Variants in IFT172 observed in about 807,000 individuals in gnomAD.
IFT172 encodes the protein intraflagellar transport 172, also known as intraflagellar transport protein 172 homolog.
In IFT172, 164 loss-of-function variants were observed where a neutral mutation model predicts 248.9. The observed-to-expected ratio is 0.66, with a 90% confidence interval of 0.58 to 0.75. IFT172 has a LOEUF of 0.75. Ranked by LOEUF, IFT172 falls within the 30% of genes least tolerant of loss-of-function variation. The probability of loss-of-function intolerance (pLI) is 0.00; values close to 1 mark genes in which losing one functional copy is unlikely to be tolerated. For missense variants in IFT172, 1,950 were observed against 2,192.4 expected (o/e 0.89, Z 2.21); for synonymous variants, 729 against 791.6 (o/e 0.92, Z 1.33).
At position 27,459,472 on chromosome 2, in the gene IFT172, T is replaced by C. The variant is rs777438968; in HGVS notation, c.2693A>G (p.Lys898Arg). ...EAALGARQWK[K>R]AIYILDLQDR... ...CTGTAGATCTAATATATAAATTGCC[T>C]TCTTCCACTGGCGGGCACCCAGGGC... Residue 898 changes from lysine to arginine, a missense_variant, in exon 25 of 48, where the codon AAG (lysine) becomes AGG (arginine). Coordinates refer to ENST00000260570, the MANE Select transcript of IFT172 (RefSeq NM_015662.3). 1.7e-5 allele frequency: 28 copies of C among 1,614,230 alleles called. No homozygotes were observed. Among genetic ancestry groups the C allele is most frequent in the Non-Finnish European group, 2.3e-5 (27 of 1,180,038 alleles).
In IFT172 at chr2:27,446,680, ATTTTTTTTTTT is replaced by A. The variant is rs766069964; in HGVS notation, c.4660-336_4660-326del. Among the ~76,000 whole-genome samples the A allele has an allele frequency of 2.4e-4, 19 of 80,468 alleles. No homozygotes were observed. In the South Asian group the frequency reaches 2.7e-3, roughly 12 times the overall value. The allele number at this position is 80,468 out of a possible 152,430, so 52.8% of individuals were successfully genotyped here. A position where few individuals can be genotyped will look rare whatever the true frequency, so the allele number is the denominator to read the frequency against. On this transcript the variant is annotated intron_variant, in intron 42 of 47. Coordinates refer to ENST00000260570, the MANE Select transcript of IFT172 (RefSeq NM_015662.3). The stretch of plus-strand genomic sequence containing the variant: ...AAGCGCACATTACCATGCCTGGCTA[ATTTTTTTTTTT>A]TTTTTTTTTTTTTTTTTTTGAGACG...
chr2:27,471,377 G>A (rs2148529313), intron 15 of IFT172: 2 of 302,466 alleles, frequency 6.6e-6, no homozygotes, highest in East Asian at 1.3e-4. Context: ...TTACCAGCTT[G>A]GATTACAAAT....
chr2:27,454,207 G>C lies in IFT172; in HGVS notation c.3531-45C>G. The C allele has an allele frequency of 6.2e-7, 1 of 1,602,908 alleles. No individual in the cohort carries two copies. Among genetic ancestry groups the C allele is most frequent in the African/African-American group, 1.3e-5 (1 of 74,758 alleles). On this transcript the variant is annotated intron_variant, in intron 32 of 47. Transcript: ENST00000260570. The surrounding 1 kb of genome is among the most constrained non-coding windows in gnomAD (Gnocchi z 4.2). The stretch of plus-strand genomic sequence containing the variant: ...GAGGAGAGACTGAGTATAGGACTGA[G>C]GCCCCAATAGTGGGAGACAAACAGC...
chr2:27,453,059 T>C (rs1050352754), intron 35 of IFT172: 2 of 390,668 alleles, frequency 5.1e-6, no homozygotes, highest in African/African-American at 2.1e-5. Context: ...AGAGCCTTCC[T>C]GACCCCTCTA....
intron 11 of IFT172, 41 bp downstream of exon 11, chr2:27,477,954 G>C: frequency 6.2e-7 from 1 of 1,610,578 alleles, no homozygotes; most frequent in Non-Finnish European, 8.5e-7. Flanking sequence ...ATTAAGCCAA[G>C]ATGCCCTATT....
At chr2:27,471,326 G>C in intron 15 of IFT172, 1 of 398,896 alleles carries the variant, frequency 2.5e-6, no homozygotes, top group East Asian at 4.3e-5. Flanking sequence ...TAAGTTAGGT[G>C]AAGGTCAGAC....
chr2:27,457,888 T>A lies in IFT172; in HGVS notation c.3064A>T (p.Lys1022Ter). 6.2e-7 allele frequency: 1 copy of A among 1,614,118 alleles called. No individual in the cohort carries two copies. Among genetic ancestry groups the A allele is most frequent in the Non-Finnish European group, 8.5e-7 (1 of 1,180,012 alleles). The change falls in exon 28 of 48, where the codon AAG (lysine) becomes TAG (stop). Residue 1022 changes from lysine (K) to a stop codon, truncating the protein, a stop_gained. Coordinates refer to ENST00000260570, the MANE Select transcript of IFT172 (RefSeq NM_015662.3). LOFTEE classifies it high-confidence loss of function. Reference sequence around the variant, plus strand: ...TCACTGAGGAGATCTGGATGGTGCTTCCCTACCAGGCGGATCATGTCATCA... The same window carrying A: ...TCACTGAGGAGATCTGGATGGTGCTACCCTACCAGGCGGATCATGTCATCA... ...LYDDMIRLVG[K>*]HHPDLLSDTH... is the part of the protein sequence containing the mutation.
Position 27,454,874 on chromosome 2 carries a change from C to T in IFT172, c.3372-214G>A, listed in dbSNP as rs1017117734. On this transcript the variant is annotated intron_variant, in intron 30 of 47. Coordinates refer to ENST00000260570, the MANE Select transcript of IFT172 (RefSeq NM_015662.3). This position sits in a 1 kb window ranked among gnomAD's most constrained non-coding sequence, Gnocchi z 4.2. ...GTCACTGTCAGCGTGGATCAAGAGACGTCTGGAAAAGCCTATGCCTTCCCT... is the reference window on the plus strand; with the variant it reads ...GTCACTGTCAGCGTGGATCAAGAGATGTCTGGAAAAGCCTATGCCTTCCCT... Among the ~76,000 whole-genome samples the T allele has an allele frequency of 3.9e-5, 6 of 152,106 alleles. No individual in the cohort carries two copies. Among genetic ancestry groups the T allele is most frequent in the African/African-American group, 1.2e-4 (5 of 41,432 alleles).
Position 27,457,753 on chromosome 2 carries a change from C to T in IFT172, c.3114G>A (p.Glu1038=), listed in dbSNP as rs1558373229. 2.5e-6 allele frequency: 4 copies of T among 1,614,100 alleles called. No homozygotes were observed. Among genetic ancestry groups the T allele is most frequent in the Non-Finnish European group, 3.4e-6 (4 of 1,180,006 alleles). The part of the protein sequence containing the change: ...LSDTHLHLGK[E]LEAEGRLQEA... ...CCTGTAGTCGGCCTTCAGCCTCCAG[C>T]TCCTGCAGGAAGGTGAGTCAGGATG... The change falls in exon 29 of 48, where the codon GAG becomes GAA. Residue 1038 remains glutamate, a splice_region_variant and synonymous_variant. Transcript: ENST00000260570.
intron 18 of IFT172, among the ~76,000 whole-genome samples, chr2:27,464,175 G>A (rs1458573041): frequency 6.6e-6 from 1 of 152,170 alleles, no homozygotes; most frequent in Non-Finnish European, 1.5e-5. Flanking sequence ...AGAGTCCTTA[G>A]GACTTACTGA....
At chr2:27,447,762 A>G (rs1665279677) in intron 41 of IFT172, 50 bp downstream of exon 41, 1 of 1,598,068 alleles carries the variant, frequency 6.3e-7, no homozygotes, top group Non-Finnish European at 8.6e-7. Flanking sequence ...ATGTGCATCA[A>G]AGAAGAGATG....
At chr2:27,472,709 T>C (rs1667661897) in intron 14 of IFT172, among the ~76,000 whole-genome samples, 1 of 152,204 alleles carries the variant, frequency 6.6e-6, no homozygotes, top group Non-Finnish European at 1.5e-5. Context: ...TCATATGCTC[T>C]AAGAAGTCAC....
intron 25 of IFT172, 70 bp downstream of exon 25, chr2:27,459,308 C>A: frequency 6.4e-7 from 1 of 1,563,662 alleles, no homozygotes; most frequent in South Asian, 1.2e-5. Flanking sequence ...CCTCCACTTC[C>A]TGCTTTGGGT....
rs1665946049 is a variant in IFT172 at position 27,454,049 on chromosome 2, T to A, written c.3644A>T (p.Asp1215Val). The A allele has an allele frequency of 6.2e-7, 1 of 1,613,940 alleles. No individual in the cohort carries two copies. The highest frequency in any genetic ancestry group is 1.1e-5 in the South Asian group (1 of 91,080). Residue 1215 changes from aspartate to valine, a missense_variant, in exon 33 of 48, where the codon GAC becomes GTC. Around this residue, in one of 3 missense-constraint regions of IFT172, gnomAD observed 620 missense variants for 699.0 expected, o/e 0.89. Transcript: ENST00000260570. The surrounding 1 kb of genome is among the most constrained non-coding windows in gnomAD (Gnocchi z 4.2). ...CAGCAGCCCTTCTGCTTTCTGAAAG[T>A]CCTTCTCCTCCAAGGCCCCCCGGGC... is the stretch of plus-strand genomic sequence containing the variant. ...GQARGALEEK[D>V]FQKAEGLLLR...
At chr2:27,457,519 G>T in intron 29 of IFT172, 120 bp downstream of exon 29, 1 of 817,652 alleles carries the variant, frequency 1.2e-6, no homozygotes, top group Non-Finnish European at 2.0e-6. Flanking sequence ...AGGCTGCAGT[G>T]AGCCATAATT....
chr2:27,453,923 C>G lies in IFT172; in HGVS notation c.3711+59G>C, dbSNP rs1665933585. The G allele has an allele frequency of 4.5e-6, 7 of 1,540,078 alleles. No homozygotes were observed. In the South Asian group the frequency reaches 8.2e-5, roughly 18 times the overall value. On this transcript the variant is annotated intron_variant, in intron 33 of 47. Coordinates refer to ENST00000260570, the MANE Select transcript of IFT172 (RefSeq NM_015662.3). ...CTTCATACCAGGGGTCAGTGTGGCTCTCTGTGGGCTCTTACAAACTCTCCC... is the reference window on the plus strand; with the variant it reads ...CTTCATACCAGGGGTCAGTGTGGCTGTCTGTGGGCTCTTACAAACTCTCCC...
rs1665096696 is a variant in IFT172 at position 27,446,350 on chromosome 2, G to A, written c.4665C>T (p.Thr1555=). ...GTGAAACAGAAAGCCTGGCAGCCACGGTTTCCTGGGATTAAAGTCAAAGCA... is the reference window on the plus strand; with the variant it reads ...GTGAAACAGAAAGCCTGGCAGCCACAGTTTCCTGGGATTAAAGTCAAAGCA... ...SAAQSVKQLE[T]VAARLSVSLL... The change falls in exon 43 of 48, where the codon ACC becomes ACT. Residue 1555 remains threonine, a synonymous_variant. Coordinates refer to ENST00000260570, the MANE Select transcript of IFT172 (RefSeq NM_015662.3). 8 of 1,614,134 alleles carry A rather than the reference G, an allele frequency of 5.0e-6. No individual in the cohort carries two copies. The highest frequency in any genetic ancestry group is 2.2e-5 in the South Asian group (2 of 91,080).
chr2:27,470,672 G>C, intron 16 of IFT172: 1 of 349,838 alleles, frequency 2.9e-6, no homozygotes. Flanking sequence ...CCAGCCTACA[G>C]GGATCTCCAT....
intron 18 of IFT172, among the ~76,000 whole-genome samples, chr2:27,464,925 A>T (rs1433675743): frequency 8.7e-4 from 124 of 142,284 alleles, no homozygotes; most frequent in African/African-American, 2.6e-3. Context: ...GCCAAGACAT[A>T]TTTTTTTTTT....
Sources: gnomAD v4.1 joint callset for allele counts (sites outside exome capture counted in the v4.1 genomes callset) on GRCh38, gnomAD v4.1.1 for gene constraint, gnomAD v4.1.1 regional missense constraint, Gnocchi (gnomAD v3.1) non-coding constraint, MANE v1.5 for transcripts, NCBI Gene and HGNC (gene_info 2026-07-23, HGNC 2026-07-21) for gene names.